The following VPS53 variants were observed in gnomAD, a reference collection of about 807,000 sequenced individuals.
VPS53 encodes the protein VPS53 subunit of GARP complex.
Under a neutral mutation model 107.0 loss-of-function variants are expected in VPS53, and 70 were observed. The observed-to-expected ratio is 0.65, with a 90% CI of 0.54 to 0.80. The LOEUF is 0.80. Among genes scored for constraint, VPS53 ranks in the 30% least tolerant of loss-of-function variants. VPS53 has a pLI of 0.00. For synonymous variants in VPS53, 409 were observed against 393.3 expected, an observed-to-expected ratio of 1.04 and a Z score of -0.47; for missense variants, 917 against 1,049.4, an observed-to-expected ratio of 0.87 and a Z score of 1.74.
At chr17:665,627 G>A (rs768756447) in intron 4 of VPS53, among the ~76,000 whole-genome samples, 1 of 152,100 alleles carries the variant, frequency 6.6e-6, no homozygotes, top group East Asian at 1.9e-4. Context: ...TTCTGCTAAG[G>A]GCTCAGAAGA....
chr17:530,266 G>A (rs1487536344), intron 19 of VPS53, among the ~76,000 whole-genome samples: 2 of 149,848 alleles, frequency 1.3e-5, no homozygotes, highest in Admixed American at 6.8e-5. Context: ...CAATTCTCCT[G>A]CCTCAGCCTC....
intron 12 of VPS53, among the ~76,000 whole-genome samples, chr17:590,958 A>T (rs1204273384): frequency 2.0e-5 from 3 of 152,030 alleles, no homozygotes; most frequent in Non-Finnish European, 4.4e-5. Flanking sequence ...GAATGGTACC[A>T]GTTCCTCCTT....
At chr17:662,515 C>G (rs1379523560) in intron 4 of VPS53, among the ~76,000 whole-genome samples, 1 of 151,858 alleles carries the variant, frequency 6.6e-6, no homozygotes, top group African/African-American at 2.4e-5. Flanking sequence ...CGGTGAAACC[C>G]CATCTCTACT....
At chr17:699,458 T>C (rs1392587780) in intron 2 of VPS53, 78 bp from the exon 3 acceptor site, 2 of 1,181,164 alleles carry the variant, frequency 1.7e-6, no homozygotes, top group African/African-American at 3.2e-5. Flanking sequence ...TGATGTGCTA[T>C]AATAGCTACT....
Position 678,658 on chromosome 17 carries a change from G to C in VPS53, c.286-16763C>G, listed in dbSNP as rs564620446. Among the ~76,000 whole-genome samples the C allele has an allele frequency of 2.6e-3, 392 of 148,286 alleles. 3 individuals carry two copies. Among genetic ancestry groups the C allele is most frequent in the African/African-American group, 9.4e-3 (379 of 40,406 alleles). Reference sequence around the variant, plus strand: ...AATATATATATATATATATTTTTTTGAGACAGAGTCTCGCTCTGTCGCCCA... The same window carrying C: ...AATATATATATATATATATTTTTTTCAGACAGAGTCTCGCTCTGTCGCCCA... On this transcript the variant is annotated intron_variant, in intron 4 of 21. Transcript: ENST00000437048.
At chr17:714,340 C>T (rs1372771073) in intron 1 of VPS53, 2 of 453,758 alleles carry the variant, frequency 4.4e-6, no homozygotes, top group Non-Finnish European at 7.9e-6. Context: ...CACCCAAGGC[C>T]TGCATTCTCC....
At chr17:537,500 A>AGGGGACTG in intron 17 of VPS53, 1 of 212,260 alleles carries the variant, frequency 4.7e-6, no homozygotes, top group African/African-American at 2.3e-5. Flanking sequence ...CGAGTGCCCC[A>AGGGGACTG]CAGCAGGGGA....
At chr17:546,634 A>G (rs1911219300) in intron 17 of VPS53, among the ~76,000 whole-genome samples, 1 of 152,216 alleles carries the variant, frequency 6.6e-6, no homozygotes, top group Non-Finnish European at 1.5e-5. Context: ...TTAGTCATGC[A>G]AGGAATGCAA....
chr17:679,078 A>C (rs1159174018), intron 4 of VPS53, among the ~76,000 whole-genome samples: 1 of 152,248 alleles, frequency 6.6e-6, no homozygotes, highest in Non-Finnish European at 1.5e-5. Context: ...GTAAAATATA[A>C]AGGTACAGAG....
intron 14 of VPS53, among the ~76,000 whole-genome samples, chr17:561,205 G>A (rs1912935935): frequency 6.6e-6 from 1 of 152,188 alleles, no homozygotes; most frequent in African/African-American, 2.4e-5. Context: ...GGCCCTAAGT[G>A]TCTCAAGAGG....
chr17:627,729 C>A (rs994728158), intron 9 of VPS53, among the ~76,000 whole-genome samples: 2 of 151,780 alleles, frequency 1.3e-5, no homozygotes, highest in Non-Finnish European at 1.5e-5. Context: ...AAACTGAGAT[C>A]GCACCACTGC....
intron 13 of VPS53, among the ~76,000 whole-genome samples, chr17:566,660 G>T (rs1021727810): frequency 5.9e-5 from 9 of 152,252 alleles, no homozygotes; most frequent in African/African-American, 1.9e-4. Context: ...CTTCTTATGA[G>T]ATTCTAATCT....
intron 11 of VPS53, among the ~76,000 whole-genome samples, chr17:605,315 G>A (rs1298655429): frequency 6.6e-6 from 1 of 152,178 alleles, no homozygotes; most frequent in Non-Finnish European, 1.5e-5. Context: ...TCTACACACA[G>A]GGTCATCAGA....
chr17:543,183 T>A (rs1346873723), intron 17 of VPS53, among the ~76,000 whole-genome samples: 1 of 152,140 alleles, frequency 6.6e-6, no homozygotes, highest in Non-Finnish European at 1.5e-5. Flanking sequence ...CAGACTTGTC[T>A]TGATTCAACG....
intron 11 of VPS53, among the ~76,000 whole-genome samples, chr17:604,904 G>A (rs952885400): frequency 3.2e-4 from 48 of 152,320 alleles, no homozygotes; most frequent in African/African-American, 1.1e-3. Context: ...GAGTAGAGCA[G>A]TGAGAAAGAC....
At chr17:613,551 TAC>T (rs1194140902) in intron 11 of VPS53, among the ~76,000 whole-genome samples, 3 of 141,846 alleles carry the variant, frequency 2.1e-5, no homozygotes, top group African/African-American at 5.3e-5. Context: ...TGAAAACCTG[TAC>T]AGATATTCAC....
chr17:707,520 CAAA>C (rs59159505), intron 2 of VPS53, among the ~76,000 whole-genome samples: 26 of 95,374 alleles, frequency 2.7e-4, no homozygotes, highest in Admixed American at 3.3e-4. Flanking sequence ...GACTTTGTCT[CAAA>C]AAAAAAAAAA....
At chr17:690,353 T>C (rs949552383) in intron 4 of VPS53, among the ~76,000 whole-genome samples, 2 of 152,360 alleles carry the variant, frequency 1.3e-5, no homozygotes, top group Middle Eastern at 3.4e-3. Flanking sequence ...GGCCCACAGA[T>C]GTGTTTTGTT....
intron 4 of VPS53, among the ~76,000 whole-genome samples, chr17:692,939 G>A (rs1237443514): frequency 6.6e-6 from 1 of 152,178 alleles, no homozygotes; most frequent in Non-Finnish European, 1.5e-5. Flanking sequence ...TTTGAGACCA[G>A]CCTGACCAAC....
Sources: gnomAD v4.1 joint callset for allele counts (sites outside exome capture counted in the v4.1 genomes callset) on GRCh38, gnomAD v4.1.1 for gene constraint, MANE v1.5 for transcripts, NCBI Gene and HGNC (gene_info 2026-07-23, HGNC 2026-07-21) for gene names.